ADAM2: variants seen among roughly 807,000 people sequenced by gnomAD.
ADAM2 encodes disintegrin and metalloproteinase domain-containing protein 2.
Under a neutral mutation model 99.3 loss-of-function variants are expected in ADAM2, and 101 were observed. That is an observed-to-expected ratio of 1.02 (90% CI 0.87 to 1.20). ADAM2 has a LOEUF of 1.20. Ranked by LOEUF, ADAM2 falls within the 50% of genes most tolerant of loss-of-function variation. The pLI, the probability that ADAM2 is intolerant of heterozygous loss-of-function variation, is 0.00. For synonymous variants in ADAM2, 323 were observed against 287.6 expected, an observed-to-expected ratio of 1.12 and a Z score of -1.25; for missense variants, 948 against 878.7, an observed-to-expected ratio of 1.08 and a Z score of -1.00.
intron 15 of ADAM2, among the ~76,000 whole-genome samples, chr8:39,757,015 T>G (rs1802174275): frequency 6.6e-6 from 1 of 152,212 alleles, no homozygotes; most frequent in African/African-American, 2.4e-5. Flanking sequence ...TAGCTTCACT[T>G]TAGTCTTCCC....
chr8:39,777,851 T>C (rs1230216301), intron 10 of ADAM2, among the ~76,000 whole-genome samples: 2 of 151,616 alleles, frequency 1.3e-5, no homozygotes, highest in South Asian at 4.1e-4. Context: ...AAAAATTGAT[T>C]CCTCAATGAT....
At position 39,834,012 on chromosome 8, in the gene ADAM2, C is replaced by T; in HGVS notation, c.133-13G>A. 3 of 1,521,174 alleles carry T rather than the reference C, an allele frequency of 2.0e-6. No individual in the cohort carries two copies. Among genetic ancestry groups the T allele is most frequent in the Non-Finnish European group, 2.7e-6 (3 of 1,104,164 alleles). The allele number at this position is 1,521,174 out of a possible 1,614,324, so 94.2% of individuals were successfully genotyped here. ...TTTTGTAGGATGCCTGGCAGGAGAGCACAGTAAAAATACAAAGAAAATGAA... is the reference window on the plus strand; with the variant it reads ...TTTTGTAGGATGCCTGGCAGGAGAGTACAGTAAAAATACAAAGAAAATGAA... On this transcript the variant is annotated splice_polypyrimidine_tract_variant and intron_variant, in intron 2 of 20. Transcript: ENST00000265708.
chr8:39,783,616 T>C (rs568974685), intron 10 of ADAM2, among the ~76,000 whole-genome samples: 2 of 152,316 alleles, frequency 1.3e-5, no homozygotes, highest in East Asian at 3.9e-4. Flanking sequence ...AGACGTATAA[T>C]TGTCGCATTG....
Position 39,793,721 on chromosome 8 carries a change from C to T in ADAM2, c.571-4981G>A, listed in dbSNP as rs544315749. Among the ~76,000 whole-genome samples, 7 of 152,154 alleles carry T rather than the reference C, an allele frequency of 4.6e-5. No individual in the cohort carries two copies. The East Asian group carries it at 1.4e-3, about 29-fold the overall frequency. ...GTGGTGCCAAAATCTATTGGTAAAG[C>T]CCTCACTTGGGCTACAATTTGATTG... On this transcript the variant is annotated intron_variant, in intron 7 of 20. Transcript: ENST00000265708.
intron 7 of ADAM2, among the ~76,000 whole-genome samples, chr8:39,790,805 A>G (rs1463217500): frequency 6.6e-6 from 1 of 151,976 alleles, no homozygotes; most frequent in African/African-American, 2.4e-5. Context: ...CACTATAAGC[A>G]GGTTCTAATA....
intron 7 of ADAM2, among the ~76,000 whole-genome samples, chr8:39,792,054 A>T (rs1197318477): frequency 6.6e-6 from 1 of 151,662 alleles, no homozygotes; most frequent in African/African-American, 2.4e-5. Context: ...AAAATATCAC[A>T]CAACACAGCA....
chr8:39,756,929 T>G (rs1802171189), intron 15 of ADAM2, among the ~76,000 whole-genome samples: 1 of 152,178 alleles, frequency 6.6e-6, no homozygotes, highest in South Asian at 2.1e-4. Context: ...ACAAACATTG[T>G]CCAAGCCACA....
intron 3 of ADAM2, among the ~76,000 whole-genome samples, chr8:39,828,668 T>C (rs1398343343): frequency 2.0e-5 from 3 of 151,850 alleles, no homozygotes; most frequent in Non-Finnish European, 3.0e-5. Context: ...AACTATGACA[T>C]TTGGACAGAT....
chr8:39,807,406 A>G (rs1804484205), intron 7 of ADAM2, among the ~76,000 whole-genome samples: 1 of 152,188 alleles, frequency 6.6e-6, no homozygotes, highest in South Asian at 2.1e-4. Flanking sequence ...GGATGGAATG[A>G]ACACATTTTG....
At chr8:39,835,517 C>T (rs1008146391) in intron 2 of ADAM2, among the ~76,000 whole-genome samples, 1 of 151,994 alleles carries the variant, frequency 6.6e-6, no homozygotes, top group Non-Finnish European at 1.5e-5. Context: ...CCCGTCTCTA[C>T]TAAAAATACA....
intron 2 of ADAM2, among the ~76,000 whole-genome samples, chr8:39,836,044 C>G (rs1021343210): frequency 6.6e-6 from 1 of 151,940 alleles, no homozygotes; most frequent in African/African-American, 2.4e-5. Flanking sequence ...CCAGCTATTC[C>G]AAGTTTCTCA....
intron 4 of ADAM2, among the ~76,000 whole-genome samples, chr8:39,823,043 C>T (rs149705261): frequency 1.1e-3 from 173 of 152,084 alleles, no homozygotes; most frequent in Admixed American, 2.4e-3. Context: ...CTGGGATTAC[C>T]GGTGTGAGCC....
chr8:39,782,318 C>T (rs2129584963), intron 10 of ADAM2, among the ~76,000 whole-genome samples: 1 of 152,026 alleles, frequency 6.6e-6, no homozygotes, highest in South Asian at 2.1e-4. Flanking sequence ...TCTTGTATTC[C>T]TAGAATAATT....
At chr8:39,748,790 C>T (rs1474094503) in intron 18 of ADAM2, among the ~76,000 whole-genome samples, 1 of 152,112 alleles carries the variant, frequency 6.6e-6, no homozygotes, top group Non-Finnish European at 1.5e-5. Flanking sequence ...ATTCCCCCTT[C>T]CTCTCCAGAA....
At chr8:39,812,952 CAA>C (rs1459699145) in intron 6 of ADAM2, among the ~76,000 whole-genome samples, 1 of 152,054 alleles carries the variant, frequency 6.6e-6, no homozygotes, top group Non-Finnish European at 1.5e-5. Context: ...TTTTGCACAG[CAA>C]AAGAGACTAC....
chr8:39,778,933 T>A (rs1203174892), intron 10 of ADAM2, among the ~76,000 whole-genome samples: 1 of 152,124 alleles, frequency 6.6e-6, no homozygotes, highest in African/African-American at 2.4e-5. Flanking sequence ...CTGTTTCCTG[T>A]TATCTCTTAT....
chr8:39,805,306 T>G (rs1363632587), intron 7 of ADAM2, among the ~76,000 whole-genome samples: 1 of 152,164 alleles, frequency 6.6e-6, no homozygotes, highest in Non-Finnish European at 1.5e-5. Flanking sequence ...GAAAAGTGAC[T>G]AGGGGATCTA....
intron 3 of ADAM2, among the ~76,000 whole-genome samples, chr8:39,830,696 G>A (rs1008714998): frequency 3.9e-5 from 6 of 152,066 alleles, no homozygotes; most frequent in African/African-American, 1.4e-4. Flanking sequence ...ATAGTCGCAA[G>A]CATCAGAACA....
Position 39,744,602 on chromosome 8 carries a change from G to A in ADAM2, c.*30+228C>T, listed in dbSNP as rs1823371560. On this transcript the variant is annotated intron_variant, in intron 20 of 20. Coordinates refer to ENST00000265708, the MANE Select transcript of ADAM2 (RefSeq NM_001464.5). ...TGAATCATGAAAACACATGGACACA[G>A]GGAGGGGAACATCACACACCAGAAC... Among the ~76,000 whole-genome samples, 3 of 152,052 alleles carry A rather than the reference G, an allele frequency of 2.0e-5. No individual in the cohort carries two copies. In the South Asian group the frequency reaches 6.2e-4, roughly 32 times the overall value.
Sources: allele counts gnomAD v4.1 joint callset (sites outside exome capture counted in the v4.1 genomes callset), GRCh38; gene constraint gnomAD v4.1.1; transcripts MANE v1.5; gene names NCBI Gene and HGNC (gene_info 2026-07-23, HGNC 2026-07-21).